Variants in CRACDL observed in about 807,000 individuals in gnomAD.
The protein encoded by CRACDL is CRACD like.
In CRACDL, 26 loss-of-function variants were observed where a neutral mutation model predicts 70.6. That is an observed-to-expected ratio of 0.37 (90% confidence interval 0.27 to 0.51). CRACDL has a LOEUF of 0.51. Ranked by LOEUF, CRACDL falls within the 20% of genes least tolerant of loss-of-function variation. The probability of loss-of-function intolerance (pLI) is 0.94; values close to 1 mark genes in which losing one functional copy is unlikely to be tolerated. For missense variants in CRACDL, 1,283 were observed against 1,376.9 expected (o/e 0.93, Z 1.08); for synonymous variants, 618 against 615.2 (o/e 1.00, Z -0.07).
intron 1 of CRACDL, among the ~76,000 whole-genome samples, chr2:98,934,849 G>A (rs1709168384): frequency 6.6e-6 from 1 of 152,118 alleles, no homozygotes; most frequent in African/African-American, 2.4e-5. Context: ...ATAAAGACAG[G>A]ATCAGTGTTC....
Position 98,822,691 on chromosome 2 carries a change from C to T in CRACDL, c.1582G>A (p.Gly528Ser), listed in dbSNP as rs1050933847. 3.2e-6 allele frequency: 4 copies of T among 1,265,090 alleles called. No individual in the cohort carries two copies. Among genetic ancestry groups the T allele is most frequent in the East Asian group, 3.2e-5 (1 of 30,904 alleles). 78.4% of individuals were successfully genotyped at this position (1,265,090 alleles called of 1,614,324 possible). A position where few individuals can be genotyped will look rare whatever the true frequency, so the allele number is the denominator to read the frequency against. The change falls in exon 7 of 10, where the codon GGT (glycine) becomes AGT (serine). Residue 528 changes from glycine to serine, a missense_variant. Transcript: ENST00000397899. The surrounding 1 kb of genome is among the most constrained non-coding windows in gnomAD (Gnocchi z 4.9). ...GCGGCGGCCTCTGCGTCGAGGGAAC[C>T]GGGGCCGGGCTCCACCGGGGGAGAC... is the stretch of plus-strand genomic sequence containing the variant. ...AESPPVEPGPGSLDAEAAAPE... is the reference protein window; with the variant it reads ...AESPPVEPGPSSLDAEAAAPE...
intron 1 of CRACDL, among the ~76,000 whole-genome samples, chr2:98,926,557 A>T (rs950240328): frequency 6.6e-6 from 1 of 152,196 alleles, no homozygotes; most frequent in African/African-American, 2.4e-5. Context: ...CCACAGCTGC[A>T]CTTGGGGTTG....
Position 98,824,150 on chromosome 2 carries a change from A to G in CRACDL, c.736-613T>C, listed in dbSNP as rs58774086. Reference sequence around the variant, plus strand: ...AACCATGGCTTATAGGATAAAACCAAAATTTTCAGCTAAATTTAAAGTCCT... The same window carrying G: ...AACCATGGCTTATAGGATAAAACCAGAATTTTCAGCTAAATTTAAAGTCCT... On this transcript the variant is annotated intron_variant, in intron 6 of 9. Transcript: ENST00000397899. Among the ~76,000 whole-genome samples, 1,254 of 152,296 alleles carry G rather than the reference A, an allele frequency of 8.2e-3. 23 individuals carry two copies. Among genetic ancestry groups the G allele is most frequent in the African/African-American group, 0.027 (1,104 of 41,546 alleles).
chr2:98,911,505 C>T (rs1413169993), intron 1 of CRACDL, among the ~76,000 whole-genome samples: 1 of 152,206 alleles, frequency 6.6e-6, no homozygotes, highest in African/African-American at 2.4e-5. Context: ...CTTCGTGTGC[C>T]AGGCCCAGTT....
At chr2:98,802,620 C>G (rs1448971449) in intron 7 of CRACDL, among the ~76,000 whole-genome samples, 5 of 152,228 alleles carry the variant, frequency 3.3e-5, no homozygotes, top group Non-Finnish European at 7.3e-5. Flanking sequence ...ATGGTTAGTT[C>G]TTTTAGTGCC....
intron 1 of CRACDL, among the ~76,000 whole-genome samples, chr2:98,905,022 G>A (rs928921842): frequency 2.0e-5 from 3 of 151,606 alleles, no homozygotes; most frequent in African/African-American, 7.3e-5. Flanking sequence ...AGGCTGAGGC[G>A]GGTGGATCAC....
intron 2 of CRACDL, among the ~76,000 whole-genome samples, chr2:98,845,238 C>T (rs1706207856): frequency 6.7e-6 from 1 of 149,822 alleles, no homozygotes; most frequent in Non-Finnish European, 1.5e-5. Context: ...TGCTTGTTGC[C>T]CAGGCTGGAG....
rs192671307 is a variant in CRACDL at position 98,860,046 on chromosome 2, C to A, written c.-10-13236G>T. Among the ~76,000 whole-genome samples, 474 of 152,122 alleles carry A rather than the reference C, an allele frequency of 3.1e-3. 3 individuals are homozygous for A. The highest frequency in any genetic ancestry group is 0.031 in the Middle Eastern group (9 of 294). On this transcript the variant is annotated intron_variant, in intron 1 of 9. Coordinates refer to ENST00000397899, the MANE Select transcript of CRACDL (RefSeq NM_207362.3). The stretch of plus-strand genomic sequence containing the variant: ...CAGACAAAATTAAGAAAACAAACAA[C>A]TGCATTTAAAATACTATCCAAAAGA...
rs750122514 is a variant in CRACDL, at chr2:98,823,076, C to T, written c.1197G>A (p.Ala399=). ...EEVVCAPEDV[A]SPFPTAIPEG... ...CAGGGATGGCGGTGGGAAACGGGCT[C>T]GCGACGTCTTCGGGAGCACAGACCA... Residue 399 remains alanine, a synonymous_variant, in exon 7 of 10, where the codon GCG becomes GCA. Coordinates refer to ENST00000397899, the MANE Select transcript of CRACDL (RefSeq NM_207362.3). This position sits in a 1 kb window ranked among gnomAD's most constrained non-coding sequence, Gnocchi z 4.0. 3 of 1,572,758 alleles carry T rather than the reference C, an allele frequency of 1.9e-6. No homozygotes were observed. Among genetic ancestry groups the T allele is most frequent in the African/African-American group, 2.8e-5 (2 of 71,020 alleles).
At chr2:98,933,153 G>T (rs974703889) in intron 1 of CRACDL, among the ~76,000 whole-genome samples, 1 of 152,168 alleles carries the variant, frequency 6.6e-6, no homozygotes, top group African/African-American at 2.4e-5. Context: ...CCAGGTCCCC[G>T]CTGTGGCTCA....
chr2:98,814,870 A>G (rs979507370), intron 7 of CRACDL, among the ~76,000 whole-genome samples: 3 of 152,202 alleles, frequency 2.0e-5, no homozygotes, highest in Admixed American at 1.3e-4. Flanking sequence ...TTAGGGACAC[A>G]CACATTTAGT....
At chr2:98,896,197 TGAG>T (rs1206254447) in intron 1 of CRACDL, among the ~76,000 whole-genome samples, 1 of 151,646 alleles carries the variant, frequency 6.6e-6, no homozygotes, top group Non-Finnish European at 1.5e-5. Flanking sequence ...GGCCAGGAAG[TGAG>T]GAGAAGACAC....
rs188765187 is a variant in CRACDL, at chr2:98,832,483, C to T, written c.405G>A (p.Gly135=). 6.4e-5 allele frequency: 103 copies of T among 1,611,556 alleles called. No homozygotes were observed. Among genetic ancestry groups the T allele is most frequent in the Non-Finnish European group, 8.1e-5 (96 of 1,178,566 alleles). ...QLKIQCNVKM[G]PPPPPGGLPA... Reference sequence around the variant, plus strand: ...GAAGCCCCCCTGGAGGAGGTGGTGGCCCCATTTTCACATTACACTGTATTT... The same window carrying T: ...GAAGCCCCCCTGGAGGAGGTGGTGGTCCCATTTTCACATTACACTGTATTT... The change falls in exon 5 of 10, where the codon GGG becomes GGA. Residue 135 remains glycine, a synonymous_variant. Coordinates refer to ENST00000397899, the MANE Select transcript of CRACDL (RefSeq NM_207362.3).
chr2:98,804,672 C>T (rs980264912), intron 7 of CRACDL, among the ~76,000 whole-genome samples: 1 of 152,110 alleles, frequency 6.6e-6, no homozygotes, highest in Non-Finnish European at 1.5e-5. Context: ...GTGATGTGCC[C>T]GATGGAGATA....
intron 2 of CRACDL, 47 bp downstream of exon 2, chr2:98,846,684 A>T: frequency 6.6e-7 from 1 of 1,521,360 alleles, no homozygotes; most frequent in Non-Finnish European, 9.1e-7. Flanking sequence ...TCCCTGCCCC[A>T]CAACAAAGCA....
intron 1 of CRACDL, among the ~76,000 whole-genome samples, chr2:98,896,148 T>C (rs1168917510): frequency 1.3e-5 from 2 of 151,808 alleles, no homozygotes; most frequent in African/African-American, 2.4e-5. Context: ...AGTAGGCCAA[T>C]TTGAGGACAG....
chr2:98,842,169 ACT>A (rs1259686532), intron 2 of CRACDL, among the ~76,000 whole-genome samples: 2 of 151,344 alleles, frequency 1.3e-5, no homozygotes, highest in East Asian at 3.9e-4. Context: ...CCTTTCACTT[ACT>A]CTCTATGCCC....
chr2:98,804,370 C>T (rs983139085), intron 7 of CRACDL, among the ~76,000 whole-genome samples: 2 of 152,216 alleles, frequency 1.3e-5, no homozygotes, highest in African/African-American at 2.4e-5. Flanking sequence ...TTCGCCTACT[C>T]GCTAAAATAC....
At chr2:98,840,710 A>T (rs1459405318) in intron 2 of CRACDL, 1 of 152,162 alleles carries the variant, frequency 6.6e-6, no homozygotes, top group African/African-American at 2.4e-5. Flanking sequence ...AGCCTTCTAG[A>T]CAAATTCTAA....
Sources: gnomAD v4.1 joint callset for allele counts (sites outside exome capture counted in the v4.1 genomes callset) on GRCh38, gnomAD v4.1.1 for gene constraint, Gnocchi (gnomAD v3.1) non-coding constraint, MANE v1.5 for transcripts, NCBI Gene and HGNC (gene_info 2026-07-23, HGNC 2026-07-21) for gene names.